NCALD: variants seen among roughly 807,000 people sequenced by gnomAD.
NCALD encodes neurocalcin delta, also known as neurocalcin-delta.
Under a neutral mutation model 18.6 loss-of-function variants are expected in NCALD, and 10 were observed. The ratio of observed to expected loss-of-function variants is 0.54; its 90% CI spans 0.33 to 0.91. The LOEUF (loss-of-function observed/expected upper bound fraction) is 0.91. NCALD is among the 40% of genes least tolerant of loss of function. The pLI is 0.03. For missense variants in NCALD, 184 were observed against 247.6 expected (o/e 0.74, Z 1.72); for synonymous variants, 88 against 87.4 (o/e 1.01, Z -0.04).
chr8:101,834,109 T>C (rs1814305031), intron 4 of NCALD, among the ~76,000 whole-genome samples: 1 of 152,200 alleles, frequency 6.6e-6, no homozygotes, highest in Non-Finnish European at 1.5e-5. Flanking sequence ...CTGGGGGGAT[T>C]TGTAAATTCA....
At position 102,051,820 on chromosome 8, in the gene NCALD, T is replaced by C. The variant is rs139292047; in HGVS notation, c.-209-31531A>G. 3.4e-4 allele frequency among the ~76,000 whole-genome samples: 52 copies of C among 152,376 alleles called. No homozygotes were observed. In the East Asian group the frequency reaches 8.7e-3, roughly 25 times the overall value. ...AATCCAAACTACAATGTACCAAGTT[T>C]ATCACGTTTCATTACTTCAGTATGT... On this transcript the variant is annotated intron_variant, in intron 1 of 6. Transcript: ENST00000311028.
chr8:102,019,930 G>C (rs1822215607), intron 2 of NCALD, among the ~76,000 whole-genome samples: 1 of 152,056 alleles, frequency 6.6e-6, no homozygotes, highest in South Asian at 2.1e-4. Flanking sequence ...AGGTGATAAT[G>C]AATATTTTAA....
At chr8:101,836,533 T>C (rs146416345) in intron 4 of NCALD, among the ~76,000 whole-genome samples, 9 of 152,294 alleles carry the variant, frequency 5.9e-5, no homozygotes, top group South Asian at 2.1e-4. Context: ...AGTAAATCAA[T>C]AAGGATTAGC....
chr8:101,786,422 T>C (rs1812231399), intron 1 of NCALD, among the ~76,000 whole-genome samples: 1 of 152,166 alleles, frequency 6.6e-6, no homozygotes, highest in South Asian at 2.1e-4. Context: ...GTGCTGCACA[T>C]GATCCATGAT....
At chr8:102,080,985 G>A (rs1028965117) in intron 1 of NCALD, among the ~76,000 whole-genome samples, 3 of 152,120 alleles carry the variant, frequency 2.0e-5, no homozygotes, top group Admixed American at 1.3e-4. Flanking sequence ...CCAAAGTGTG[G>A]TGTCCAGCCC....
At position 101,844,790 on chromosome 8, in the gene NCALD, T is replaced by C. The variant is rs533741207; in HGVS notation, c.-20+42351A>G. 1.2e-3 allele frequency among the ~76,000 whole-genome samples: 181 copies of C among 152,310 alleles called. 1 individual carries two copies. The highest frequency in any genetic ancestry group is 2.3e-3 in the Non-Finnish European group (156 of 68,022). Reference sequence around the variant, plus strand: ...CGGTGAGTTCTTATTCTAGCAATATTGTGCAGGGTGCTTATTCTCTTTGCA... The same window carrying C: ...CGGTGAGTTCTTATTCTAGCAATATCGTGCAGGGTGCTTATTCTCTTTGCA... On this transcript the variant is annotated intron_variant, in intron 4 of 6. Transcript: ENST00000311028.
intron 1 of NCALD, among the ~76,000 whole-genome samples, chr8:102,109,555 G>A (rs1370477300): frequency 6.6e-6 from 1 of 152,130 alleles, no homozygotes; most frequent in Non-Finnish European, 1.5e-5. Context: ...GGAAACATTT[G>A]CCCACTCGCC....
intron 4 of NCALD, among the ~76,000 whole-genome samples, chr8:101,885,573 C>T (rs541363728): frequency 2.6e-5 from 4 of 152,314 alleles, no homozygotes; most frequent in South Asian, 4.1e-4. Flanking sequence ...AAATCATCCT[C>T]GTTTGGGTCT....
At chr8:101,725,673 C>T (rs1816540841) in intron 1 of NCALD, among the ~76,000 whole-genome samples, 1 of 152,164 alleles carries the variant, frequency 6.6e-6, no homozygotes, top group African/African-American at 2.4e-5. Context: ...AGGCTCACTT[C>T]GGCCCCACAC....
At chr8:102,016,442 G>A (rs761178067) in intron 2 of NCALD, among the ~76,000 whole-genome samples, 3 of 152,154 alleles carry the variant, frequency 2.0e-5, no homozygotes, top group Non-Finnish European at 4.4e-5. Flanking sequence ...GCTAGCAGAC[G>A]AGCACAAACA....
At chr8:101,799,404 T>C (rs1350526680) in intron 4 of NCALD, among the ~76,000 whole-genome samples, 1 of 152,194 alleles carries the variant, frequency 6.6e-6, no homozygotes, top group Admixed American at 6.5e-5. Flanking sequence ...GTTACTATCA[T>C]GCAACTCAGC....
intron 2 of NCALD, among the ~76,000 whole-genome samples, chr8:101,990,470 A>C (rs552657637): frequency 6.6e-6 from 1 of 152,298 alleles, no homozygotes; most frequent in Admixed American, 6.5e-5. Context: ...CTCATCTTGA[A>C]TTGTAGCTCC....
chr8:101,974,412 C>T lies in NCALD; in HGVS notation c.-157+45825G>A, dbSNP rs939080740. ...AGCTAAAAGATTACTGCCCCAAACC[C>T]CCTTCTATGTGGAAATTCTGGAGCC... On this transcript the variant is annotated intron_variant, in intron 2 of 6. Transcript: ENST00000311028. Among the ~76,000 whole-genome samples, 7 of 152,126 alleles carry T rather than the reference C, an allele frequency of 4.6e-5. No individual in the cohort carries two copies. In the East Asian group the frequency reaches 7.7e-4, roughly 17 times the overall value.
intron 1 of NCALD, among the ~76,000 whole-genome samples, chr8:101,741,763 CAAAAAAAAAAAA>C (rs68064092): frequency 8.6e-5 from 6 of 69,794 alleles, no homozygotes; most frequent in African/African-American, 2.2e-4. Context: ...CTCATCTCTA[CAAAAAAAAAAAA>C]AAAAAAAAAA....
In NCALD at chr8:101,689,228, C is replaced by CAAAA; in HGVS notation, c.*77_*80dup. ...CGGCATCACCATTGATATTGTTTGGCAAAAAAAAAAAAAAATTGTTAAAAA... is the reference window on the plus strand; with the variant it reads ...CGGCATCACCATTGATATTGTTTGGCAAAAAAAAAAAAAAAAAAATTGTTAAAAA... On this transcript the variant is annotated 3_prime_UTR_variant, in exon 4 of 4. Coordinates refer to ENST00000220931, the MANE Select transcript of NCALD (RefSeq NM_032041.3). The surrounding 1 kb of genome is among the most constrained non-coding windows in gnomAD (Gnocchi z 4.4). 4.3e-6 allele frequency: 5 copies of CAAAA among 1,170,676 alleles called. No individual in the cohort carries two copies. Among genetic ancestry groups the CAAAA allele is most frequent in the Admixed American group, 2.6e-5 (1 of 39,116 alleles). The allele number at this position is 1,170,676 out of a possible 1,614,324, so 72.5% of individuals were successfully genotyped here.
intron 4 of NCALD, among the ~76,000 whole-genome samples, chr8:101,840,741 G>A (rs1278782694): frequency 6.6e-6 from 1 of 152,086 alleles, no homozygotes; most frequent in East Asian, 1.9e-4. Context: ...TACATAAACT[G>A]TATTCAAGTT....
intron 1 of NCALD, among the ~76,000 whole-genome samples, chr8:102,069,390 C>T (rs1824109649): frequency 6.6e-6 from 1 of 151,930 alleles, no homozygotes; most frequent in Non-Finnish European, 1.5e-5. Flanking sequence ...ATAGTGTTGA[C>T]AATGGAGCAG....
intron 4 of NCALD, among the ~76,000 whole-genome samples, chr8:101,820,229 A>G (rs1813665373): frequency 6.6e-6 from 1 of 152,170 alleles, no homozygotes. Context: ...TATAGCACCA[A>G]AATTTAAGGT....
Position 101,950,027 on chromosome 8 carries a change from G to A in NCALD, c.-156-34169C>T, listed in dbSNP as rs1819329606. 2.0e-5 allele frequency among the ~76,000 whole-genome samples: 3 copies of A among 152,246 alleles called. No homozygotes were observed. In the South Asian group the frequency reaches 6.2e-4, roughly 31 times the overall value. ...GTAATTAAAGCCGGAGCAGCTGAGA[G>A]GGAAAGGCGGCTGATCATTTAGACG... On this transcript the variant is annotated intron_variant, in intron 2 of 6. Transcript: ENST00000311028.
Sources: allele counts gnomAD v4.1 joint callset (sites outside exome capture counted in the v4.1 genomes callset), GRCh38; gene constraint gnomAD v4.1.1; non-coding constraint Gnocchi (gnomAD v3.1); transcripts MANE v1.5; gene names NCBI Gene and HGNC (gene_info 2026-07-23, HGNC 2026-07-21).